Variants in SNRPN observed in about 807,000 individuals in gnomAD.
The protein encoded by SNRPN is small nuclear ribonucleoprotein-associated protein N.
Under a neutral mutation model 25.2 loss-of-function variants are expected in SNRPN, and 7 were observed. The observed-to-expected ratio is 0.28, with a 90% CI of 0.16 to 0.52. The LOEUF (loss-of-function observed/expected upper bound fraction) is 0.52, where lower values mean the gene tolerates loss of function less well. Ranked by LOEUF, SNRPN falls within the 20% of genes least tolerant of loss-of-function variation. The probability of loss-of-function intolerance (pLI) is 0.96; values close to 1 mark genes in which losing one functional copy is unlikely to be tolerated. For missense variants in SNRPN, 196 were observed against 322.5 expected (o/e 0.61, Z 3.00); for synonymous variants, 124 against 110.6 (o/e 1.12, Z -0.76).
intron 2 of SNRPN, among the ~76,000 whole-genome samples, chr15:24,888,514 GAA>G (rs1284575964): frequency 6.6e-6 from 1 of 152,138 alleles, no homozygotes; most frequent in Non-Finnish European, 1.5e-5. Context: ...TTATTGTAAG[GAA>G]AGAAGTACAT....
chr15:24,978,303 C>G lies in SNRPN; in HGVS notation c.670C>G (p.Pro224Ala). Residue 224 changes from proline (P) to alanine (A), a missense_variant, in exon 9 of 10, where the codon CCA becomes GCA. Transcript: ENST00000390687. ...GCCGCCTCCGGGAATGAGACCCCCT[C>G]CACCAGGCATTAGAGGTGAGTGGGA... ...GMPPPGMRPP[P>A]PGIRGPPPPG... 1 of 1,614,166 alleles carries G rather than the reference C, an allele frequency of 6.2e-7. No homozygotes were observed. The highest frequency in any genetic ancestry group is 1.1e-5 in the South Asian group (1 of 91,072).
chr15:24,970,869 A>G (rs754114344), intron 3 of SNRPN, among the ~76,000 whole-genome samples: 17 of 152,196 alleles, frequency 1.1e-4, no homozygotes, highest in Middle Eastern at 3.4e-3. Context: ...TTGTGTTTTT[A>G]ATTGGAATTA....
At chr15:24,962,941 A>G (rs1369988958) in intron 2 of SNRPN, among the ~76,000 whole-genome samples, 1 of 152,126 alleles carries the variant, frequency 6.6e-6, no homozygotes, top group Non-Finnish European at 1.5e-5. Flanking sequence ...ATTCATGAAG[A>G]TGATTCTTTT....
At chr15:24,831,977 C>T (rs980650837) in intron 2 of SNRPN, among the ~76,000 whole-genome samples, 1 of 151,768 alleles carries the variant, frequency 6.6e-6, no homozygotes, top group African/African-American at 2.4e-5. Context: ...TCAATGAAAT[C>T]TCCCAAGGCA....
At chr15:24,881,397 G>A (rs1245292815) in intron 1 of SNRPN, among the ~76,000 whole-genome samples, 1 of 151,834 alleles carries the variant, frequency 6.6e-6, no homozygotes, top group Non-Finnish European at 1.5e-5. Flanking sequence ...TGGGCATGGG[G>A]GTGGACACCT....
intron 1 of SNRPN, among the ~76,000 whole-genome samples, chr15:24,857,960 G>T (rs2053573729): frequency 1.3e-5 from 2 of 152,072 alleles, no homozygotes; most frequent in Admixed American, 1.3e-4. Context: ...CTGTCCTCTT[G>T]CGCTGAGTCA....
intron 2 of SNRPN, among the ~76,000 whole-genome samples, chr15:24,838,007 GC>G (rs1298491845): frequency 4.6e-5 from 7 of 151,322 alleles, no homozygotes; most frequent in Admixed American, 1.3e-4. Context: ...ACAGGCATGA[GC>G]CACTGTGCCC....
chr15:24,881,799 T>G (rs1054180107), intron 1 of SNRPN, among the ~76,000 whole-genome samples: 2 of 152,238 alleles, frequency 1.3e-5, no homozygotes, highest in African/African-American at 4.8e-5. Flanking sequence ...TATCAGTTAT[T>G]CCTCAGCTTT....
intron 2 of SNRPN, among the ~76,000 whole-genome samples, chr15:24,897,554 C>G (rs1346079814): frequency 6.6e-6 from 1 of 152,152 alleles, no homozygotes; most frequent in African/African-American, 2.4e-5. Context: ...CACTGCACTC[C>G]AGAATGGATG....
At chr15:24,843,203 CTCA>C (rs1162223158) in intron 2 of SNRPN, among the ~76,000 whole-genome samples, 1 of 152,066 alleles carries the variant, frequency 6.6e-6, no homozygotes. Context: ...CTCTGGAGTA[CTCA>C]TCATTTTTAT....
intron 1 of SNRPN, among the ~76,000 whole-genome samples, chr15:24,958,033 G>C (rs1203704587): frequency 6.6e-6 from 1 of 152,084 alleles, no homozygotes; most frequent in African/African-American, 2.4e-5. Flanking sequence ...TTATGTTGTT[G>C]TCTAAGGCAG....
intron 1 of SNRPN, among the ~76,000 whole-genome samples, chr15:24,828,522 G>A (rs2141225592): frequency 6.6e-6 from 1 of 152,128 alleles, no homozygotes; most frequent in Non-Finnish European, 1.5e-5. Context: ...ACTCCAGCCT[G>A]GGCGACAGAG....
intron 2 of SNRPN, among the ~76,000 whole-genome samples, chr15:24,915,197 G>A (rs985387104): frequency 2.0e-5 from 3 of 151,662 alleles, no homozygotes; most frequent in Non-Finnish European, 4.4e-5. Flanking sequence ...GCGTGATCTC[G>A]GCTCACTGTA....
chr15:24,844,432 T>C lies in SNRPN; in HGVS notation c.-579+14527T>C, dbSNP rs550659857. On this transcript the variant is annotated intron_variant, in intron 2 of 12. Coordinates refer to the SNRPN transcript ENST00000400100. Reference sequence around the variant, plus strand: ...TACATCTGTTAAGTACCGAAAATATTTTTTTCTGAGCCTGTGCCATCTCGT... The same window carrying C: ...TACATCTGTTAAGTACCGAAAATATCTTTTTCTGAGCCTGTGCCATCTCGT... 3.9e-5 allele frequency among the ~76,000 whole-genome samples: 6 copies of C among 152,324 alleles called. No individual in the cohort carries two copies. The South Asian group carries it at 1.2e-3, about 32-fold the overall frequency.
chr15:24,934,581 T>C (rs2061103042), intron 3 of SNRPN, among the ~76,000 whole-genome samples: 2 of 152,158 alleles, frequency 1.3e-5, no homozygotes, highest in African/African-American at 4.8e-5. Context: ...TTATTTGAAA[T>C]GGGGTTTCAC....
At chr15:24,909,003 C>T (rs1442925098) in intron 2 of SNRPN, 3 of 1,417,936 alleles carry the variant, frequency 2.1e-6, no homozygotes, top group African/African-American at 1.4e-5. Context: ...TTCTTCTGAG[C>T]AAGGGACATT....
chr15:24,863,162 T>C (rs910123643), intron 1 of SNRPN, among the ~76,000 whole-genome samples: 12 of 149,696 alleles, frequency 8.0e-5, no homozygotes, highest in Admixed American at 2.6e-4. Flanking sequence ...GGGTTGGTGT[T>C]GGGGAGGGGC....
chr15:24,977,854 C>T lies in SNRPN; in HGVS notation c.497C>T (p.Thr166Ile). 6.2e-7 allele frequency: 1 copy of T among 1,613,636 alleles called. No individual in the cohort carries two copies. Among genetic ancestry groups the T allele is most frequent in the Non-Finnish European group, 8.5e-7 (1 of 1,179,722 alleles). ...ACTGCCAGTATTGCTGGAGCCCCAA[C>T]ACAGTACCCACCAGGACGGGGCACT... ...AATASIAGAPTQYPPGRGTPP... is the reference protein window; with the variant it reads ...AATASIAGAPIQYPPGRGTPP... The change falls in exon 8 of 10, where the codon ACA (threonine) becomes ATA (isoleucine). Residue 166 changes from threonine (T) to isoleucine (I), a missense_variant. Coordinates refer to ENST00000390687, the MANE Select transcript of SNRPN (RefSeq NM_003097.6).
At chr15:24,916,256 A>G (rs1005909294) in intron 2 of SNRPN, among the ~76,000 whole-genome samples, 1 of 152,112 alleles carries the variant, frequency 6.6e-6, no homozygotes, top group African/African-American at 2.4e-5. Context: ...CACCGCGCCC[A>G]GCCTTGGTTG....
Sources: gnomAD v4.1 joint callset for allele counts (sites outside exome capture counted in the v4.1 genomes callset) on GRCh38, gnomAD v4.1.1 for gene constraint, MANE v1.5 for transcripts, NCBI Gene and HGNC (gene_info 2026-07-23, HGNC 2026-07-21) for gene names.